GRID1: variants seen among roughly 807,000 people sequenced by gnomAD.
GRID1 encodes glutamate receptor ionotropic, delta-1.
In GRID1, 28 loss-of-function variants were observed where a neutral mutation model predicts 98.0. The ratio of observed to expected loss-of-function variants is 0.29; its 90% CI spans 0.21 to 0.39. The LOEUF (loss-of-function observed/expected upper bound fraction) is 0.39. Among genes scored for constraint, GRID1 ranks in the 10% least tolerant of loss-of-function variants. The pLI, the probability that GRID1 is intolerant of heterozygous loss-of-function variation, is 1.00. For synonymous variants in GRID1, 553 were observed against 538.5 expected, an observed-to-expected ratio of 1.03 and a Z score of -0.37; for missense variants, 1,111 against 1,340.5, an observed-to-expected ratio of 0.83 and a Z score of 2.67.
chr10:86,163,830 T>C (rs774909947), intron 3 of GRID1, among the ~76,000 whole-genome samples: 2 of 152,126 alleles, frequency 1.3e-5, no homozygotes, highest in Non-Finnish European at 2.9e-5. Context: ...AGTATGATTA[T>C]CCCCACCAAA....
rs2132496065 is a variant in GRID1, at chr10:85,600,262, C to T, written c.*2011G>A. The T allele has an allele frequency of 6.6e-6, 1 of 152,314 alleles. No homozygotes were observed. Among genetic ancestry groups the T allele is most frequent in the African/African-American group, 2.4e-5 (1 of 41,544 alleles). The allele number at this position is 152,314 out of a possible 1,614,324, so 9.4% of individuals were successfully genotyped here. On this transcript the variant is annotated 3_prime_UTR_variant, in exon 16 of 16. Transcript: ENST00000327946. ...TCTGAGCATGCCTGGCTCCAAGGTCCACATGCTCTGATTGGAGAAATGTCA... is the reference window on the plus strand; with the variant it reads ...TCTGAGCATGCCTGGCTCCAAGGTCTACATGCTCTGATTGGAGAAATGTCA...
intron 2 of GRID1, among the ~76,000 whole-genome samples, chr10:86,268,200 A>G (rs2132059778): frequency 6.6e-6 from 1 of 152,252 alleles, no homozygotes; most frequent in African/African-American, 2.4e-5. Flanking sequence ...GTTAACTGCT[A>G]CCCGGTATGC....
chr10:86,250,031 A>G (rs1846795644), intron 2 of GRID1, among the ~76,000 whole-genome samples: 1 of 151,594 alleles, frequency 6.6e-6, no homozygotes, highest in Non-Finnish European at 1.5e-5. Flanking sequence ...ATGGGTGGGT[A>G]GTTGGATGGG....
chr10:85,956,674 C>A (rs1354205619), intron 4 of GRID1, among the ~76,000 whole-genome samples: 1 of 152,062 alleles, frequency 6.6e-6, no homozygotes, highest in African/African-American at 2.4e-5. Context: ...AAACTCTAAT[C>A]AAAAAAGCCT....
intron 15 of GRID1, chr10:85,605,354 C>A (rs1239196785): frequency 6.6e-6 from 1 of 152,176 alleles, no homozygotes; most frequent in Non-Finnish European, 1.5e-5. Flanking sequence ...AATTCAGGTA[C>A]TTTTAGGGTT....
In GRID1 at chr10:85,967,589, A is replaced by C. The variant is rs141154515; in HGVS notation, c.727-51350T>G. ...AGGAACTAGAGAAAATCGTGTCTAA[A>C]AAAATTAAAGTATAACAATAGTATC... On this transcript the variant is annotated intron_variant, in intron 4 of 15. Transcript: ENST00000327946. 1.5e-3 allele frequency among the ~76,000 whole-genome samples: 222 copies of C among 152,372 alleles called. 1 individual carries two copies. The highest frequency in any genetic ancestry group is 5.0e-3 in the African/African-American group (208 of 41,598).
intron 8 of GRID1, among the ~76,000 whole-genome samples, chr10:85,765,620 GTGTA>G (rs1842190500): frequency 6.6e-6 from 1 of 152,082 alleles, no homozygotes; most frequent in Non-Finnish European, 1.5e-5. Flanking sequence ...TGCATATAAG[GTGTA>G]TGTGAAACAT....
chr10:86,363,516 A>G (rs547132365), intron 2 of GRID1, among the ~76,000 whole-genome samples: 1 of 152,148 alleles, frequency 6.6e-6, no homozygotes, highest in Non-Finnish European at 1.5e-5. Flanking sequence ...GGCGCTCCTC[A>G]CCTCGAAGCG....
chr10:86,133,438 C>A (rs1411456150), intron 4 of GRID1, among the ~76,000 whole-genome samples: 2 of 152,252 alleles, frequency 1.3e-5, no homozygotes, highest in African/African-American at 4.8e-5. Flanking sequence ...CTGCCATGTG[C>A]CACAGCTGGG....
At chr10:85,922,260 T>C (rs185432547) in intron 4 of GRID1, among the ~76,000 whole-genome samples, 211 of 152,352 alleles carry the variant, frequency 1.4e-3, no homozygotes, top group Non-Finnish European at 2.5e-3. Context: ...GGTTAACTTG[T>C]TCTCATAAGC....
rs534182759 is a variant in GRID1, at chr10:86,062,231, G to A, written c.726+76588C>T. Reference sequence around the variant, plus strand: ...TCTGGCTCCTGGAGCCATGTTGCCCGCAGGCAGAGAGGCCTGGAAGGGCCT... The same window carrying A: ...TCTGGCTCCTGGAGCCATGTTGCCCACAGGCAGAGAGGCCTGGAAGGGCCT... On this transcript the variant is annotated intron_variant, in intron 4 of 15. Transcript: ENST00000327946. 3.7e-4 allele frequency among the ~76,000 whole-genome samples: 56 copies of A among 152,244 alleles called. No homozygotes were observed. The South Asian group carries it at 3.7e-3, about 10-fold the overall frequency.
chr10:86,005,283 C>G (rs1356700977), intron 4 of GRID1, among the ~76,000 whole-genome samples: 2 of 152,070 alleles, frequency 1.3e-5, no homozygotes, highest in African/African-American at 2.4e-5. Context: ...ACCCCCTCCC[C>G]CAGGGCATAC....
chr10:85,955,010 C>CAAAAAAT, intron 4 of GRID1, among the ~76,000 whole-genome samples: 1 of 152,164 alleles, frequency 6.6e-6, no homozygotes, highest in East Asian at 1.9e-4. Context: ...TACAAGTATA[C>CAAAAAAT]AAAAAATACA....
chr10:85,672,262 A>G (rs1446781347), intron 12 of GRID1, among the ~76,000 whole-genome samples: 2 of 152,238 alleles, frequency 1.3e-5, no homozygotes, highest in Non-Finnish European at 2.9e-5. Flanking sequence ...ATGCTCAGCA[A>G]CCATTCTGAA....
chr10:86,001,132 T>C (rs1271276355), intron 4 of GRID1, among the ~76,000 whole-genome samples: 1 of 152,188 alleles, frequency 6.6e-6, no homozygotes, highest in African/African-American at 2.4e-5. Flanking sequence ...TATTACAGTC[T>C]CAAAATGATA....
At chr10:86,034,149 G>A (rs1167417138) in intron 4 of GRID1, among the ~76,000 whole-genome samples, 3 of 152,188 alleles carry the variant, frequency 2.0e-5, no homozygotes, top group Non-Finnish European at 2.9e-5. Flanking sequence ...ACTTATAGAT[G>A]TGCTAACGTA....
At position 86,115,279 on chromosome 10, in the gene GRID1, T is replaced by C. The variant is rs141548363; in HGVS notation, c.726+23540A>G. On this transcript the variant is annotated intron_variant, in intron 4 of 15. Transcript: ENST00000327946. ...TTTCTTTTTCTAATGTGACTCTACA[T>C]AGACATTGAGGCACCACTGCTGCAT... Among the ~76,000 whole-genome samples, 32 of 152,322 alleles carry C rather than the reference T, an allele frequency of 2.1e-4. No individual in the cohort carries two copies. The East Asian group carries it at 5.6e-3, about 27-fold the overall frequency.
intron 2 of GRID1, among the ~76,000 whole-genome samples, chr10:86,261,241 G>C (rs571137722): frequency 6.6e-6 from 1 of 152,254 alleles, no homozygotes; most frequent in African/African-American, 2.4e-5. Context: ...CAAATTTGAA[G>C]CTACCCCTAT....
At chr10:85,933,212 T>C (rs1360662572) in intron 4 of GRID1, among the ~76,000 whole-genome samples, 1 of 149,016 alleles carries the variant, frequency 6.7e-6, no homozygotes, top group Non-Finnish European at 1.5e-5. Flanking sequence ...ACAAAGGCCC[T>C]TGCCAATGAT....
Sources: allele counts gnomAD v4.1 joint callset (sites outside exome capture counted in the v4.1 genomes callset), GRCh38; gene constraint gnomAD v4.1.1; transcripts MANE v1.5; gene names NCBI Gene and HGNC (gene_info 2026-07-23, HGNC 2026-07-21).